SF3A2: variants seen among roughly 807,000 people sequenced by gnomAD.
SF3A2 encodes the protein splicing factor 3a subunit 2, also known as SAP 62.
In SF3A2, 5 loss-of-function variants were observed where a neutral mutation model predicts 31.1. The observed-to-expected ratio is 0.16, with a 90% CI of 0.08 to 0.34. The LOEUF (loss-of-function observed/expected upper bound fraction) is 0.34. Among genes scored for constraint, SF3A2 ranks in the 10% least tolerant of loss-of-function variants. The pLI is 1.00. For synonymous variants in SF3A2, 365 were observed against 263.7 expected, an observed-to-expected ratio of 1.38 and a Z score of -3.72; for missense variants, 577 against 643.9, an observed-to-expected ratio of 0.90 and a Z score of 1.13.
At position 2,245,594 on chromosome 19, in the gene SF3A2, C is replaced by A; in HGVS notation, c.355+39C>A. On this transcript the variant is annotated intron_variant, in intron 5 of 8. Coordinates refer to ENST00000221494, the MANE Select transcript of SF3A2 (RefSeq NM_007165.5). The surrounding 1 kb of genome is among the most constrained non-coding windows in gnomAD (Gnocchi z 4.2). ...CAGCGGGGCCGGCCACAGCCGCTGC[C>A]GTGACATAAGTGTGTTCTTTAGTCT... 1 of 1,402,252 alleles carries A rather than the reference C, an allele frequency of 7.1e-7. No individual in the cohort carries two copies. The highest frequency in any genetic ancestry group is 9.9e-7 in the Non-Finnish European group (1 of 1,011,410). 86.9% of individuals were successfully genotyped at this position (1,402,252 alleles called of 1,614,324 possible). A position where few individuals can be genotyped will look rare whatever the true frequency, so the allele number is the denominator to read the frequency against.
chr19:2,244,895 C>T (rs968802681), intron 4 of SF3A2, 116 bp downstream of exon 4: 1 of 959,062 alleles, frequency 1.0e-6, no homozygotes, highest in African/African-American at 1.6e-5. Context: ...CTGAGCCTCC[C>T]TGGGCGCTTG....
intron 2 of SF3A2, 92 bp from the exon 3 acceptor site, chr19:2,244,452 T>A: frequency 1.0e-6 from 1 of 968,686 alleles, no homozygotes; most frequent in Admixed American, 2.0e-5. Flanking sequence ...TCTGCCTCCA[T>A]GCCTCTACAG....
chr19:2,243,580 G>C (rs1437642234), intron 2 of SF3A2, 36 bp downstream of exon 2: 2 of 1,515,080 alleles, frequency 1.3e-6, no homozygotes, highest in Non-Finnish European at 1.8e-6. Flanking sequence ...TGTGGTGGGT[G>C]CTGGGCTTTC....
At position 2,246,767 on chromosome 19, in the gene SF3A2, G is replaced by C; in HGVS notation, c.370G>C (p.Asp124His). The C allele has an allele frequency of 6.2e-7, 1 of 1,613,952 alleles. No individual in the cohort carries two copies. Among genetic ancestry groups the C allele is most frequent in the Non-Finnish European group, 8.5e-7 (1 of 1,179,976 alleles). ...CTGTGTTGCAGTGACCAAGCAGAGAGACTCGGAGATGGGCCAGCAGAGCCT... is the reference window on the plus strand; with the variant it reads ...CTGTGTTGCAGTGACCAAGCAGAGACACTCGGAGATGGGCCAGCAGAGCCT... The part of the protein sequence containing the change: ...RPGYKVTKQR[D>H]SEMGQQSLLF... Residue 124 changes from aspartate (D) to histidine (H), a missense_variant, in exon 6 of 9, where the codon GAC becomes CAC. By Grantham distance (81) the Asp-to-His change is moderately conservative (BLOSUM62 -1). Around this residue, in one of 6 missense-constraint regions of SF3A2, gnomAD observed 21 missense variants for 38.6 expected, o/e 0.54. Transcript: ENST00000221494. The surrounding 1 kb of genome is among the most constrained non-coding windows in gnomAD (Gnocchi z 5.5).
At position 2,245,658 on chromosome 19, in the gene SF3A2, A is replaced by C; in HGVS notation, c.355+103A>C. The C allele has an allele frequency of 2.3e-6, 2 of 856,386 alleles. No homozygotes were observed. The highest frequency in any genetic ancestry group is 3.8e-6 in the Non-Finnish European group (2 of 524,580). 53.0% of individuals were successfully genotyped at this position (856,386 alleles called of 1,614,324 possible). A position where few individuals can be genotyped will look rare whatever the true frequency, so the allele number is the denominator to read the frequency against. Reference sequence around the variant, plus strand: ...TGCAGCCCTGATAGCCTCCTCCCTGAGCCACTGTTTTCCGGCCTTGGTGGC... The same window carrying C: ...TGCAGCCCTGATAGCCTCCTCCCTGCGCCACTGTTTTCCGGCCTTGGTGGC... On this transcript the variant is annotated intron_variant, in intron 5 of 8. Coordinates refer to ENST00000221494, the MANE Select transcript of SF3A2 (RefSeq NM_007165.5). The surrounding 1 kb of genome is among the most constrained non-coding windows in gnomAD (Gnocchi z 4.2).
rs1018396075 is a variant in SF3A2, at chr19:2,241,091, G to A, written c.-37-2291G>A. Among the ~76,000 whole-genome samples, 12 of 152,206 alleles carry A rather than the reference G, an allele frequency of 7.9e-5. 1 individual carries two copies. The highest frequency in any genetic ancestry group is 1.9e-4 in the African/African-American group (8 of 41,456). On this transcript the variant is annotated intron_variant, in intron 1 of 8. Transcript: ENST00000221494. ...CAGAGCTTAGCCTCAGAGTAGGGGC[G>A]TGGTCCAGGAGAGGCCACGACAGGG...
rs1350822523 is a variant in SF3A2, at chr19:2,248,141, C to T, written c.990C>T (p.His330=). The T allele has an allele frequency of 1.0e-5, 14 of 1,378,210 alleles. No individual in the cohort carries two copies. The highest frequency in any genetic ancestry group is 2.5e-4 in the Middle Eastern group (1 of 3,930). The allele number at this position is 1,378,210 out of a possible 1,614,324, so 85.4% of individuals were successfully genotyped here. A position where few individuals can be genotyped will look rare whatever the true frequency, so the allele number is the denominator to read the frequency against. ...TCCACCCACCAACCTCTGGGGTCCA[C>T]CCCCCAGCTCCTGGAGTCCACCCTC... is the stretch of plus-strand genomic sequence containing the variant. ...PGVHPPTSGV[H]PPAPGVHPPA... Residue 330 remains histidine, a synonymous_variant, in exon 9 of 9, where the codon CAC becomes CAT. Transcript: ENST00000221494.
intron 1 of SF3A2, 29 bp downstream of exon 1, chr19:2,236,930 G>C (rs2024827020): frequency 6.6e-6 from 1 of 152,250 alleles, no homozygotes; most frequent in African/African-American, 2.4e-5. Context: ...TGAGGGCGGC[G>C]GCCGACGCGG....
In SF3A2 at chr19:2,248,396, T is replaced by C. The variant is rs2024966112; in HGVS notation, c.1245T>C (p.His415=). The stretch of plus-strand genomic sequence containing the variant: ...TCCACCCCCAACCTCCCGGGGTCCA[T>C]CCGTCGGCTCCTGGGGTCCACCCTC... The part of the protein sequence containing the change: ...PGVHPQPPGV[H]PSAPGVHPQP... Residue 415 remains histidine, a synonymous_variant, in exon 9 of 9, where the codon CAT becomes CAC. Coordinates refer to ENST00000221494, the MANE Select transcript of SF3A2 (RefSeq NM_007165.5). The C allele has an allele frequency of 2.2e-6, 3 of 1,360,868 alleles. No individual in the cohort carries two copies. The highest frequency in any genetic ancestry group is 1.8e-5 in the South Asian group (1 of 54,334). The allele number at this position is 1,360,868 out of a possible 1,614,324, so 84.3% of individuals were successfully genotyped here.
At chr19:2,238,986 G>A (rs2024865217) in intron 1 of SF3A2, among the ~76,000 whole-genome samples, 1 of 152,142 alleles carries the variant, frequency 6.6e-6, no homozygotes, top group Non-Finnish European at 1.5e-5. Context: ...TTCGGGGGGT[G>A]GGGGAAGTCC....
intron 8 of SF3A2, 51 bp from the exon 9 acceptor site, chr19:2,247,716 G>A (rs758764934): frequency 8.7e-6 from 14 of 1,608,370 alleles, no homozygotes; most frequent in Non-Finnish European, 1.1e-5. Flanking sequence ...GGCGGCCCTA[G>A]CCCTGCCCTA....
intron 1 of SF3A2, among the ~76,000 whole-genome samples, chr19:2,238,406 C>A (rs1306905048): frequency 6.6e-6 from 1 of 152,114 alleles, no homozygotes; most frequent in Non-Finnish European, 1.5e-5. Context: ...TAACAGATTT[C>A]TTCATGGATT....
At chr19:2,247,249 C>G (rs1012431881) in intron 7 of SF3A2, 4 of 538,424 alleles carry the variant, frequency 7.4e-6, no homozygotes, top group Non-Finnish European at 1.3e-5. Flanking sequence ...GCCGGCAGGG[C>G]TGAGCGCCAG....
At chr19:2,239,196 C>T (rs1049350638) in intron 1 of SF3A2, among the ~76,000 whole-genome samples, 2 of 152,142 alleles carry the variant, frequency 1.3e-5, no homozygotes, top group Non-Finnish European at 2.9e-5. Flanking sequence ...GAAATCCCAT[C>T]TCCACTAAAA....
At position 2,245,327 on chromosome 19, in the gene SF3A2, C is replaced by T. The variant is rs563537331; in HGVS notation, c.246-119C>T. Reference sequence around the variant, plus strand: ...CCCAGGGCCCCTCCCAGGCCCCTGGCCCTCCTCATCTCTCAGCTTGTAGTG... The same window carrying T: ...CCCAGGGCCCCTCCCAGGCCCCTGGTCCTCCTCATCTCTCAGCTTGTAGTG... On this transcript the variant is annotated intron_variant, in intron 4 of 8. Transcript: ENST00000221494. The surrounding 1 kb of genome is among the most constrained non-coding windows in gnomAD (Gnocchi z 4.2). 1.3e-4 allele frequency: 90 copies of T among 706,372 alleles called. 1 individual carries two copies. Among genetic ancestry groups the T allele is most frequent in the East Asian group, 6.2e-4 (23 of 36,888 alleles). The allele number at this position is 706,372 out of a possible 1,614,324, so 43.8% of individuals were successfully genotyped here. A position where few individuals can be genotyped will look rare whatever the true frequency, so the allele number is the denominator to read the frequency against.
At position 2,239,091 on chromosome 19, in the gene SF3A2, G is replaced by A. The variant is rs140104438; in HGVS notation, c.-38+2190G>A. ...GAAAATCTGTATTTGTAGGCCGGGC[G>A]TGGTGGCTCACGCCTGTAATCCCAG... On this transcript the variant is annotated intron_variant, in intron 1 of 8. Transcript: ENST00000221494. Among the ~76,000 whole-genome samples, 475 of 152,336 alleles carry A rather than the reference G, an allele frequency of 3.1e-3. 5 individuals carry two copies. The highest frequency in any genetic ancestry group is 0.021 in the East Asian group (111 of 5,194).
At chr19:2,243,305 C>G in intron 1 of SF3A2, 77 bp from the exon 2 acceptor site, 1 of 1,270,334 alleles carries the variant, frequency 7.9e-7, no homozygotes, top group Non-Finnish European at 1.1e-6. Context: ...GGGCTCCAGC[C>G]CAGCCCGCCC....
chr19:2,245,621 C>T lies in SF3A2; in HGVS notation c.355+66C>T, dbSNP rs2024925124. On this transcript the variant is annotated intron_variant, in intron 5 of 8. Transcript: ENST00000221494. The surrounding 1 kb of genome is among the most constrained non-coding windows in gnomAD (Gnocchi z 4.2). ...TGACATAAGTGTGTTCTTTAGTCTCCAGTGCGGGAGGTGCAGCCCTGATAG... is the reference window on the plus strand; with the variant it reads ...TGACATAAGTGTGTTCTTTAGTCTCTAGTGCGGGAGGTGCAGCCCTGATAG... 7 of 1,220,410 alleles carry T rather than the reference C, an allele frequency of 5.7e-6. No individual in the cohort carries two copies. In the East Asian group the frequency reaches 1.0e-4, roughly 18 times the overall value. The allele number at this position is 1,220,410 out of a possible 1,614,324, so 75.6% of individuals were successfully genotyped here. A position where few individuals can be genotyped will look rare whatever the true frequency, so the allele number is the denominator to read the frequency against.
intron 1 of SF3A2, among the ~76,000 whole-genome samples, chr19:2,241,361 G>A (rs1047309645): frequency 6.6e-6 from 1 of 152,202 alleles, no homozygotes; most frequent in African/African-American, 2.4e-5. Flanking sequence ...TGGTTTCTGT[G>A]ATGTGTGGAG....
Sources: gnomAD v4.1 joint callset for allele counts (sites outside exome capture counted in the v4.1 genomes callset) on GRCh38, gnomAD v4.1.1 for gene constraint, gnomAD v4.1.1 regional missense constraint, Gnocchi (gnomAD v3.1) non-coding constraint, MANE v1.5 for transcripts, NCBI Gene and HGNC (gene_info 2026-07-23, HGNC 2026-07-21) for gene names.